TBC1D2B: variants seen among roughly 807,000 people sequenced by gnomAD.
TBC1D2B encodes TBC1 domain family member 2B, also known as TBC1 domain family, member 2B.
TBC1D2B carries 64 observed loss-of-function variants against 100.8 expected under a neutral mutation model. That is an observed-to-expected ratio of 0.64 (90% CI 0.52 to 0.78). TBC1D2B has a LOEUF of 0.78. TBC1D2B is among the 30% of genes least tolerant of loss of function. TBC1D2B has a pLI of 0.00. For missense variants in TBC1D2B, 1,052 were observed against 1,218.4 expected, an observed-to-expected ratio of 0.86 and a Z score of 2.03; for synonymous variants, 480 against 479.7, an observed-to-expected ratio of 1.00 and a Z score of -0.01.
At chr15:78,020,665 A>G (rs1486117867) in intron 6 of TBC1D2B, among the ~76,000 whole-genome samples, 1 of 152,186 alleles carries the variant, frequency 6.6e-6, no homozygotes, top group Non-Finnish European at 1.5e-5. Flanking sequence ...GCCATGCTCA[A>G]TGTAAAGCAT....
chr15:78,030,238 T>C lies in TBC1D2B; in HGVS notation c.684-68A>G, dbSNP rs906510792. On this transcript the variant is annotated intron_variant, in intron 3 of 12. Coordinates refer to ENST00000300584, the MANE Select transcript of TBC1D2B (RefSeq NM_144572.2). ...AAAACAAAACGTAATCTCATGTATA[T>C]AGGATTGGCAAAAATTTAAATATCT... is the stretch of plus-strand genomic sequence containing the variant. 2.9e-5 allele frequency: 39 copies of C among 1,367,554 alleles called. No homozygotes were observed. The East Asian group carries it at 8.1e-4, about 29-fold the overall frequency. 84.7% of individuals were successfully genotyped at this position (1,367,554 alleles called of 1,614,324 possible).
chr15:78,014,636 GC>G (rs1042562853), intron 8 of TBC1D2B, among the ~76,000 whole-genome samples: 1 of 152,208 alleles, frequency 6.6e-6, no homozygotes, highest in African/African-American at 2.4e-5. Context: ...TGTAGTACCA[GC>G]TATTTGGGAG....
chr15:78,076,732 C>A (rs538953964), intron 1 of TBC1D2B, among the ~76,000 whole-genome samples: 295 of 152,316 alleles, frequency 1.9e-3, no homozygotes, highest in Middle Eastern at 6.8e-3. Context: ...GCCTGGACAA[C>A]AGAACAAGAT....
chr15:78,070,327 C>G (rs552585066), intron 1 of TBC1D2B, among the ~76,000 whole-genome samples: 2 of 151,690 alleles, frequency 1.3e-5, no homozygotes, highest in African/African-American at 2.4e-5. Flanking sequence ...GAAAGTCTTT[C>G]CTAGCCCTCC....
chr15:78,009,435 T>C (rs937100950), intron 9 of TBC1D2B, among the ~76,000 whole-genome samples: 1 of 151,778 alleles, frequency 6.6e-6, no homozygotes, highest in Non-Finnish European at 1.5e-5. Flanking sequence ...AGCTACCCAG[T>C]AGGCTGAGGC....
At chr15:78,054,902 T>G (rs1000622834) in intron 1 of TBC1D2B, among the ~76,000 whole-genome samples, 2 of 152,178 alleles carry the variant, frequency 1.3e-5, no homozygotes, top group African/African-American at 4.8e-5. Flanking sequence ...TATAGAGGTT[T>G]TATTCATAAT....
chr15:78,039,685 C>A (rs2073028531), intron 3 of TBC1D2B, among the ~76,000 whole-genome samples: 1 of 152,086 alleles, frequency 6.6e-6, no homozygotes, highest in African/African-American at 2.4e-5. Flanking sequence ...TACAATGACA[C>A]TGTGCTAGGC....
At chr15:78,043,232 T>C (rs1043483708) in intron 3 of TBC1D2B, among the ~76,000 whole-genome samples, 2 of 152,194 alleles carry the variant, frequency 1.3e-5, no homozygotes, top group African/African-American at 2.4e-5. Context: ...AGTGTGTCCT[T>C]GGATGGTAGC....
intron 9 of TBC1D2B, among the ~76,000 whole-genome samples, chr15:78,009,527 A>G (rs7495639): frequency 0.051 from 7,732 of 151,870 alleles, 393 homozygotes; most frequent in African/African-American, 0.12. Flanking sequence ...GCAACAGAAC[A>G]AGACCTTGTC....
chr15:78,000,084 C>T (rs1433038243), intron 12 of TBC1D2B, among the ~76,000 whole-genome samples: 2 of 152,228 alleles, frequency 1.3e-5, no homozygotes, highest in Non-Finnish European at 2.9e-5. Context: ...AGCCCAGAGG[C>T]GGATTATGGG....
intron 8 of TBC1D2B, 121 bp downstream of exon 8, chr15:78,016,425 T>A (rs2072376666): frequency 1.1e-6 from 1 of 910,256 alleles, no homozygotes; most frequent in Non-Finnish European, 1.7e-6. Context: ...CTGACAGCAT[T>A]TGTCATGAGC....
chr15:78,040,636 A>G (rs28417248), intron 3 of TBC1D2B, among the ~76,000 whole-genome samples: 39 of 69,912 alleles, frequency 5.6e-4, no homozygotes, highest in African/African-American at 1.1e-3. Flanking sequence ...GAGAAAGAAA[A>G]AGAAAGAAAG....
rs2071790923 is a variant in TBC1D2B at position 77,997,344 on chromosome 15, T to C, written c.*816A>G. The stretch of plus-strand genomic sequence containing the variant: ...GTTTACTTGGAATCCCATCCCATCG[T>C]ACTTGGTGAATGATTTCCACAAGTC... On this transcript the variant is annotated 3_prime_UTR_variant, in exon 13 of 13. Transcript: ENST00000300584. 1 of 152,306 alleles carries C rather than the reference T, an allele frequency of 6.6e-6. No homozygotes were observed. The highest frequency in any genetic ancestry group is 2.1e-4 in the South Asian group (1 of 4,836). 9.4% of individuals were successfully genotyped at this position (152,306 alleles called of 1,614,324 possible). A position where few individuals can be genotyped will look rare whatever the true frequency, so the allele number is the denominator to read the frequency against.
chr15:78,067,664 T>A (rs556188951), intron 1 of TBC1D2B, among the ~76,000 whole-genome samples: 1 of 152,178 alleles, frequency 6.6e-6, no homozygotes, highest in Non-Finnish European at 1.5e-5. Context: ...GCTGGTACAG[T>A]AGCACTGGCC....
At chr15:78,019,503 A>C (rs1488628899) in intron 6 of TBC1D2B, among the ~76,000 whole-genome samples, 1 of 152,054 alleles carries the variant, frequency 6.6e-6, no homozygotes, top group Non-Finnish European at 1.5e-5. Context: ...TTGTCACGTC[A>C]TGACAAGTAC....
At chr15:78,037,938 C>T (rs976011357) in intron 3 of TBC1D2B, among the ~76,000 whole-genome samples, 1 of 152,098 alleles carries the variant, frequency 6.6e-6, no homozygotes, top group African/African-American at 2.4e-5. Flanking sequence ...CAGAAGGTAA[C>T]ATCCTGCCCA....
chr15:78,021,430 G>C (rs2072513299), intron 6 of TBC1D2B, among the ~76,000 whole-genome samples: 1 of 152,212 alleles, frequency 6.6e-6, no homozygotes. Flanking sequence ...AGGGCTATGA[G>C]GGAACACACA....
In TBC1D2B at chr15:78,013,012, G is replaced by A. The variant is rs2072273165; in HGVS notation, c.2081C>T (p.Thr694Ile). 6.2e-7 allele frequency: 1 copy of A among 1,610,344 alleles called. No homozygotes were observed. ...TTTCTCCAGCGCCTTCTGCAGCAAG[G>A]TCTGGAAGTGGCCAGGCTCAGTGTT... The part of the protein sequence containing the change: ...KDNTEPGHFQ[T>I]LLQKALEKQN... Residue 694 changes from threonine (T) to isoleucine (I), a missense_variant, in exon 9 of 13, where the codon ACC (threonine) becomes ATC (isoleucine). Physicochemically the swap from Thr to Ile is moderately conservative, Grantham distance 89. Transcript: ENST00000300584.
chr15:78,008,968 T>C, intron 10 of TBC1D2B, 29 bp downstream of exon 10: 1 of 1,471,690 alleles, frequency 6.8e-7, no homozygotes, highest in East Asian at 2.4e-5. Flanking sequence ...CTAAAAGTGG[T>C]GACTAAAACA....
Sources: allele counts gnomAD v4.1 joint callset (sites outside exome capture counted in the v4.1 genomes callset), GRCh38; gene constraint gnomAD v4.1.1; transcripts MANE v1.5; gene names NCBI Gene and HGNC (gene_info 2026-07-23, HGNC 2026-07-21).